Variants in THSD7B observed in about 807,000 individuals in gnomAD.
The protein encoded by THSD7B is thrombospondin type 1 domain containing 7B.
A neutral mutation model predicts 213.6 loss-of-function variants in THSD7B; 138 were observed. The observed-to-expected ratio is 0.65, with a 90% CI of 0.56 to 0.74. THSD7B has a LOEUF of 0.74. THSD7B is among the 30% of genes least tolerant of loss of function. THSD7B has a pLI of 0.00. For synonymous variants in THSD7B, 742 were observed against 687.0 expected (o/e 1.08, Z -1.25); for missense variants, 1,931 against 1,991.5 (o/e 0.97, Z 0.58).
chr2:137,449,146 AAG>A (rs1687599766), intron 14 of THSD7B, among the ~76,000 whole-genome samples: 1 of 134,450 alleles, frequency 7.4e-6, no homozygotes. Flanking sequence ...AATTAAGAAA[AAG>A]AAAGGCAGGC....
chr2:136,897,739 T>C (rs1683986042), intron 2 of THSD7B, among the ~76,000 whole-genome samples: 1 of 152,178 alleles, frequency 6.6e-6, no homozygotes, highest in South Asian at 2.1e-4. Context: ...TGCTGATTGG[T>C]GCATTTACAA....
rs189808148 is a variant in THSD7B, at chr2:137,135,453, G to A, written c.1369+20160G>A. On this transcript the variant is annotated intron_variant, in intron 5 of 27. Transcript: ENST00000409968. Reference sequence around the variant, plus strand: ...TGCAGCTCAGGAGCCCTTCTTTGGAGTTTTCTTCTCTCAGATCTGCATTGA... The same window carrying A: ...TGCAGCTCAGGAGCCCTTCTTTGGAATTTTCTTCTCTCAGATCTGCATTGA... Among the ~76,000 whole-genome samples the A allele has an allele frequency of 1.1e-4, 16 of 152,286 alleles. No individual in the cohort carries two copies. The East Asian group carries it at 2.7e-3, about 26-fold the overall frequency.
chr2:136,819,842 C>A (rs935358047), intron 1 of THSD7B, among the ~76,000 whole-genome samples: 1 of 151,360 alleles, frequency 6.6e-6, no homozygotes, highest in African/African-American at 2.4e-5. Context: ...CTACTCTCCT[C>A]GTTGCTTAGA....
chr2:137,219,298 G>A (rs1477405275), intron 7 of THSD7B, among the ~76,000 whole-genome samples: 1 of 152,166 alleles, frequency 6.6e-6, no homozygotes, highest in Non-Finnish European at 1.5e-5. Context: ...AGTCAGTGAT[G>A]TTTGCCTGCC....
intron 1 of THSD7B, among the ~76,000 whole-genome samples, chr2:136,779,076 G>A (rs1482051640): frequency 6.6e-6 from 1 of 152,046 alleles, no homozygotes; most frequent in Non-Finnish European, 1.5e-5. Context: ...ATATATTACA[G>A]TTTATATTAG....
At chr2:136,922,592 G>T (rs1314885693) in intron 2 of THSD7B, among the ~76,000 whole-genome samples, 3 of 152,058 alleles carry the variant, frequency 2.0e-5, no homozygotes, top group Non-Finnish European at 2.9e-5. Context: ...CAAGGAGCTG[G>T]GAATATAGAT....
Position 137,353,274 on chromosome 2 carries a change from C to A in THSD7B, c.2501-52339C>A, listed in dbSNP as rs1235892338. Among the ~76,000 whole-genome samples the A allele has an allele frequency of 2.6e-5, 4 of 152,126 alleles. No homozygotes were observed. The East Asian group carries it at 7.8e-4, about 29-fold the overall frequency. ...TGCCAACTTAGGGAGAAATAGATAACCTCATCTGAAAGTTTAGCAAGATGT... is the reference window on the plus strand; with the variant it reads ...TGCCAACTTAGGGAGAAATAGATAAACTCATCTGAAAGTTTAGCAAGATGT... On this transcript the variant is annotated intron_variant, in intron 12 of 27. Coordinates refer to ENST00000409968, the MANE Select transcript of THSD7B (RefSeq NM_001316349.2).
chr2:137,017,399 A>G (rs920397468), intron 2 of THSD7B, among the ~76,000 whole-genome samples: 4 of 152,024 alleles, frequency 2.6e-5, no homozygotes, highest in Non-Finnish European at 5.9e-5. Flanking sequence ...TTGTGAGAAC[A>G]GGAGAGAAAG....
intron 1 of THSD7B, among the ~76,000 whole-genome samples, chr2:136,783,532 C>T (rs1681784089): frequency 6.6e-6 from 1 of 152,074 alleles, no homozygotes; most frequent in Non-Finnish European, 1.5e-5. Flanking sequence ...ATTAGCAGAG[C>T]CCAGAACTGG....
chr2:137,012,250 A>G (rs1686245204), intron 2 of THSD7B, among the ~76,000 whole-genome samples: 1 of 152,222 alleles, frequency 6.6e-6, no homozygotes, highest in Admixed American at 6.5e-5. Context: ...AATTTTTCCA[A>G]AAGAAATTAT....
intron 2 of THSD7B, among the ~76,000 whole-genome samples, chr2:137,021,043 A>G (rs988127750): frequency 1.3e-5 from 2 of 152,176 alleles, no homozygotes; most frequent in Non-Finnish European, 2.9e-5. Flanking sequence ...ACTACCATGG[A>G]GGGTTCATTA....
At chr2:137,053,292 C>T (rs1343281660) in intron 2 of THSD7B, among the ~76,000 whole-genome samples, 1 of 151,946 alleles carries the variant, frequency 6.6e-6, no homozygotes, top group Non-Finnish European at 1.5e-5. Flanking sequence ...TAACTCATAT[C>T]CAAATAGGAG....
At chr2:137,567,300 C>G (rs916800558) in intron 16 of THSD7B, among the ~76,000 whole-genome samples, 2 of 151,944 alleles carry the variant, frequency 1.3e-5, no homozygotes, top group Non-Finnish European at 2.9e-5. Context: ...TCCCAAATAG[C>G]TGAGATTACA....
intron 15 of THSD7B, among the ~76,000 whole-genome samples, chr2:137,483,312 A>G (rs1688349451): frequency 6.6e-6 from 1 of 152,260 alleles, no homozygotes; most frequent in Admixed American, 6.5e-5. Context: ...GGGAGGTTTA[A>G]GTAATTACTG....
chr2:137,393,153 T>A (rs931626376), intron 12 of THSD7B, among the ~76,000 whole-genome samples: 7 of 137,528 alleles, frequency 5.1e-5, no homozygotes, highest in Admixed American at 2.8e-4. Flanking sequence ...CAGCTTTTTT[T>A]TTTTTAATTT....
chr2:137,341,130 G>A (rs951855370), intron 12 of THSD7B, among the ~76,000 whole-genome samples: 69 of 150,782 alleles, frequency 4.6e-4, no homozygotes, highest in African/African-American at 1.6e-3. Context: ...ATTTTTTTGA[G>A]AATAGCCATT....
At chr2:137,217,403 CT>C in intron 7 of THSD7B, among the ~76,000 whole-genome samples, 1 of 152,176 alleles carries the variant, frequency 6.6e-6, no homozygotes, top group East Asian at 1.9e-4. Flanking sequence ...GTACCTGTTA[CT>C]TTAATCTTAC....
intron 12 of THSD7B, among the ~76,000 whole-genome samples, chr2:137,286,820 G>T (rs190913888): frequency 1.5e-4 from 23 of 152,244 alleles, no homozygotes; most frequent in African/African-American, 5.5e-4. Flanking sequence ...TCCAGTAGGG[G>T]ATGCAGAGCA....
At chr2:137,325,904 C>T (rs917077588) in intron 12 of THSD7B, among the ~76,000 whole-genome samples, 12 of 152,212 alleles carry the variant, frequency 7.9e-5, no homozygotes, top group African/African-American at 2.9e-4. Context: ...CCAAACTTCT[C>T]ATTCATGTGT....
Sources: allele counts gnomAD v4.1 joint callset (sites outside exome capture counted in the v4.1 genomes callset), GRCh38; gene constraint gnomAD v4.1.1; transcripts MANE v1.5; gene names NCBI Gene and HGNC (gene_info 2026-07-23, HGNC 2026-07-21).